The following TBCD variants were observed in gnomAD, a reference collection of about 807,000 sequenced individuals.
TBCD encodes the protein tubulin-specific chaperone D.
In TBCD, 105 loss-of-function variants were observed where a neutral mutation model predicts 169.3. The observed-to-expected ratio is 0.62, with a 90% CI of 0.53 to 0.73. The LOEUF is 0.73. TBCD is among the 30% of genes least tolerant of loss of function. The pLI, the probability that TBCD is intolerant of heterozygous loss-of-function variation, is 0.00. For synonymous variants in TBCD, 700 were observed against 643.9 expected (o/e 1.09, Z -1.32); for missense variants, 1,444 against 1,600.1 (o/e 0.90, Z 1.66).
In TBCD at chr17:82,939,462, C is replaced by T. The variant is rs917926169; in HGVS notation, c.3465C>T (p.Leu1155=). 5 of 1,613,262 alleles carry T rather than the reference C, an allele frequency of 3.1e-6. No homozygotes were observed. The Admixed American group carries it at 5.0e-5, about 16-fold the overall frequency. ...ADVLDEVVTV[L]SDTAWDAELA... ...TGCTGGACGAGGTGGTGACTGTGCT[C>T]AGTGACACTGCGTGGTGAGTGAAGG... Residue 1155 remains leucine, a synonymous_variant, in exon 37 of 39, where the codon CTC becomes CTT. Coordinates refer to ENST00000355528, the MANE Select transcript of TBCD (RefSeq NM_005993.5).
intron 13 of TBCD, among the ~76,000 whole-genome samples, chr17:82,828,927 G>A (rs76827700): frequency 0.01 from 1,501 of 144,122 alleles, 20 homozygotes; most frequent in African/African-American, 0.036. Context: ...CACCTACACA[G>A]TCGAGTGTGC....
chr17:82,910,007 G>C (rs2060517298), intron 22 of TBCD, among the ~76,000 whole-genome samples: 1 of 152,254 alleles, frequency 6.6e-6, no homozygotes, highest in Admixed American at 6.5e-5. Flanking sequence ...TACCTGTGTT[G>C]CTGTGTGTTC....
At position 82,920,720 on chromosome 17, in the gene TBCD, C is replaced by G. The variant is rs2061368508; in HGVS notation, c.2101+102C>G. 3.8e-6 allele frequency: 4 copies of G among 1,039,594 alleles called. No individual in the cohort carries two copies. Among genetic ancestry groups the G allele is most frequent in the Non-Finnish European group, 5.6e-6 (4 of 713,162 alleles). 64.4% of individuals were successfully genotyped at this position (1,039,594 alleles called of 1,614,324 possible). ...GGATGGGGGCGATAAACGATTATAG[C>G]TTAAAGGTTCAAGATATTAATCGGA... On this transcript the variant is annotated intron_variant, in intron 24 of 38. Coordinates refer to ENST00000355528, the MANE Select transcript of TBCD (RefSeq NM_005993.5). The surrounding 1 kb of genome is among the most constrained non-coding windows in gnomAD (Gnocchi z 4.1).
intron 2 of TBCD, among the ~76,000 whole-genome samples, chr17:82,763,665 C>T (rs7209753): frequency 0.38 from 57,361 of 151,776 alleles, 10,907 homozygotes; most frequent in Middle Eastern, 0.41. Flanking sequence ...AGCCTGAACC[C>T]GGGAGGTGGA....
chr17:82,937,873 T>C, intron 35 of TBCD, 176 bp from the exon 36 acceptor site: 2 of 1,516,422 alleles, frequency 1.3e-6, no homozygotes, highest in Non-Finnish European at 1.8e-6. Context: ...CACTCGTGTG[T>C]GTAGGCACAG....
At chr17:82,942,290 A>G (rs567808368) in intron 38 of TBCD, 159 bp from the exon 39 acceptor site, 1 of 1,014,546 alleles carries the variant, frequency 9.9e-7, no homozygotes, top group South Asian at 1.5e-5. Flanking sequence ...CCTGTCAGCC[A>G]CATAGCTCAG....
chr17:82,815,115 T>C (rs2051767923), intron 13 of TBCD, among the ~76,000 whole-genome samples, 181 bp downstream of exon 13: 1 of 152,232 alleles, frequency 6.6e-6, no homozygotes, highest in South Asian at 2.1e-4. Flanking sequence ...GGTGTGGCCC[T>C]GCCGCGGGCA....
intron 14 of TBCD, among the ~76,000 whole-genome samples, chr17:82,879,059 C>CTTTTTTTTTTTTT (rs58480407): frequency 2.6e-5 from 3 of 113,972 alleles, no homozygotes; most frequent in Non-Finnish European, 5.4e-5. Flanking sequence ...AGATCCTGTT[C>CTTTTTTTTTTTTT]TTTTTTTTTT....
At chr17:82,919,416 G>A (rs1025344003) in intron 23 of TBCD, among the ~76,000 whole-genome samples, 3 of 152,154 alleles carry the variant, frequency 2.0e-5, no homozygotes, top group Non-Finnish European at 4.4e-5. Context: ...TAGGGAAAAC[G>A]GAGATTGAGA....
intron 23 of TBCD, among the ~76,000 whole-genome samples, chr17:82,914,681 G>A (rs909496526): frequency 3.3e-5 from 5 of 152,190 alleles, no homozygotes; most frequent in African/African-American, 9.7e-5. Flanking sequence ...AGCTCCCGGC[G>A]CCGGCCCTCC....
Position 82,880,906 on chromosome 17 carries a change from T to G in TBCD, c.1476-3239T>G, listed in dbSNP as rs1283828163. Among the ~76,000 whole-genome samples, 2 of 151,748 alleles carry G rather than the reference T, an allele frequency of 1.3e-5. No homozygotes were observed. Among genetic ancestry groups the G allele is most frequent in the Non-Finnish European group, 2.9e-5 (2 of 67,876 alleles). The stretch of plus-strand genomic sequence containing the variant: ...GAGCAAGTGGCCGAGGGGTAGACTT[T>G]GGATGGCTCCAGGCGGAACTCGGGG... On this transcript the variant is annotated intron_variant, in intron 14 of 38. Transcript: ENST00000355528. The surrounding 1 kb of genome is among the most constrained non-coding windows in gnomAD (Gnocchi z 5.0).
intron 18 of TBCD, among the ~76,000 whole-genome samples, chr17:82,902,742 C>G (rs1180496351): frequency 6.6e-6 from 1 of 152,220 alleles, no homozygotes. Flanking sequence ...TCACATTTTG[C>G]TTCTTTGTTG....
intron 15 of TBCD, among the ~76,000 whole-genome samples, chr17:82,886,751 C>G (rs1366491741): frequency 1.4e-5 from 2 of 140,900 alleles, no homozygotes; most frequent in Non-Finnish European, 3.1e-5. Context: ...CTTATTGCAA[C>G]CTCGGCCTCC....
chr17:82,764,747 T>C (rs2047939875), intron 3 of TBCD, among the ~76,000 whole-genome samples: 1 of 152,076 alleles, frequency 6.6e-6, no homozygotes, highest in South Asian at 2.1e-4. Context: ...TCTCATAGTC[T>C]GCTTTTCTTA....
Position 82,920,084 on chromosome 17 carries a change from C to T in TBCD, c.2039-472C>T, listed in dbSNP as rs1388233856. ...GCCCCCTCGTGGCTGGTCAGGGCCACGTTTCTGGTCATGGAGAGTGTGAGT... is the reference window on the plus strand; with the variant it reads ...GCCCCCTCGTGGCTGGTCAGGGCCATGTTTCTGGTCATGGAGAGTGTGAGT... On this transcript the variant is annotated intron_variant, in intron 23 of 38. Transcript: ENST00000355528. This position sits in a 1 kb window ranked among gnomAD's most constrained non-coding sequence, Gnocchi z 4.1. 3.9e-5 allele frequency among the ~76,000 whole-genome samples: 6 copies of T among 152,114 alleles called. No individual in the cohort carries two copies. The highest frequency in any genetic ancestry group is 8.8e-5 in the Non-Finnish European group (6 of 68,010).
intron 2 of TBCD, among the ~76,000 whole-genome samples, chr17:82,757,764 G>T (rs1427565243): frequency 2.0e-5 from 3 of 152,168 alleles, no homozygotes; most frequent in Non-Finnish European, 4.4e-5. Flanking sequence ...AGGGTCAGCT[G>T]CAGGGAACAT....
intron 13 of TBCD, among the ~76,000 whole-genome samples, chr17:82,869,146 T>A (rs2057387362): frequency 6.6e-6 from 1 of 152,240 alleles, no homozygotes; most frequent in South Asian, 2.1e-4. Flanking sequence ...CATTGCTGGC[T>A]TCATAGCTGT....
rs577366354 is a variant in TBCD at position 82,918,113 on chromosome 17, C to T, written c.2039-2443C>T. On this transcript the variant is annotated intron_variant, in intron 23 of 38. Coordinates refer to ENST00000355528, the MANE Select transcript of TBCD (RefSeq NM_005993.5). Reference sequence around the variant, plus strand: ...GGCTGTGCTTCCCATGCTTCCTCCGCGGTGACTCCGGGTATGACAGTGTTG... The same window carrying T: ...GGCTGTGCTTCCCATGCTTCCTCCGTGGTGACTCCGGGTATGACAGTGTTG... Among the ~76,000 whole-genome samples the T allele has an allele frequency of 4.6e-5, 7 of 152,314 alleles. No homozygotes were observed. In the East Asian group the frequency reaches 7.7e-4, roughly 17 times the overall value.
chr17:82,914,196 T>A (rs2060866595), intron 23 of TBCD: 2 of 152,394 alleles, frequency 1.3e-5, no homozygotes, highest in South Asian at 4.2e-4. Flanking sequence ...TACCGCGGTT[T>A]CGGTGTTTGG....
Sources: gnomAD v4.1 joint callset for allele counts (sites outside exome capture counted in the v4.1 genomes callset) on GRCh38, gnomAD v4.1.1 for gene constraint, Gnocchi (gnomAD v3.1) non-coding constraint, MANE v1.5 for transcripts, NCBI Gene and HGNC (gene_info 2026-07-23, HGNC 2026-07-21) for gene names.